The following KCNH5 variants were observed in gnomAD, a reference collection of about 807,000 sequenced individuals.
KCNH5 encodes the protein potassium voltage-gated channel subfamily H member 5.
KCNH5 carries 46 observed loss-of-function variants against 96.1 expected under a neutral mutation model. The observed-to-expected ratio is 0.48, with a 90% CI of 0.38 to 0.61. The LOEUF is 0.61. KCNH5 is among the 20% of genes least tolerant of loss of function. KCNH5 has a pLI of 0.00. For missense variants in KCNH5, 907 were observed against 1,225.8 expected, an observed-to-expected ratio of 0.74 and a Z score of 3.88; for synonymous variants, 439 against 449.8, an observed-to-expected ratio of 0.98 and a Z score of 0.30.
chr14:62,780,096 G>A (rs1886178733), intron 9 of KCNH5, among the ~76,000 whole-genome samples, 172 bp from the exon 10 acceptor site: 1 of 152,198 alleles, frequency 6.6e-6, no homozygotes, highest in South Asian at 2.1e-4. Flanking sequence ...AATATGTAAA[G>A]TAACATCACC....
intron 7 of KCNH5, among the ~76,000 whole-genome samples, chr14:62,893,977 G>A (rs970674176): frequency 3.9e-5 from 6 of 152,240 alleles, no homozygotes; most frequent in Admixed American, 1.3e-4. Flanking sequence ...AGCTATCTAC[G>A]TATGTTGAGG....
intron 10 of KCNH5, among the ~76,000 whole-genome samples, chr14:62,761,796 G>T (rs1885756632): frequency 6.6e-6 from 1 of 152,138 alleles, no homozygotes; most frequent in African/African-American, 2.4e-5. Flanking sequence ...GCCAAGAAAA[G>T]CATCTCTCAC....
intron 1 of KCNH5, among the ~76,000 whole-genome samples, chr14:63,020,570 T>C (rs1195633047): frequency 6.6e-6 from 1 of 152,090 alleles, no homozygotes; most frequent in Non-Finnish European, 1.5e-5. Context: ...TTCATTAATA[T>C]GAAGCTTAAA....
intron 8 of KCNH5, among the ~76,000 whole-genome samples, chr14:62,843,358 T>C (rs1157536816): frequency 6.6e-6 from 1 of 151,900 alleles, no homozygotes; most frequent in Non-Finnish European, 1.5e-5. Context: ...TAGTGCATCT[T>C]AAGACCAATT....
intron 1 of KCNH5, among the ~76,000 whole-genome samples, chr14:63,039,694 A>G (rs2139632723): frequency 6.6e-6 from 1 of 152,302 alleles, no homozygotes; most frequent in East Asian, 1.9e-4. Context: ...CTTTACAGAA[A>G]CAATTTTTAT....
At chr14:62,955,969 A>G (rs1399018870) in intron 6 of KCNH5, among the ~76,000 whole-genome samples, 1 of 152,164 alleles carries the variant, frequency 6.6e-6, no homozygotes, top group Non-Finnish European at 1.5e-5. Flanking sequence ...TGCATTTCCC[A>G]CAACAACCAA....
chr14:62,751,356 C>T (rs1478191375), intron 10 of KCNH5, among the ~76,000 whole-genome samples: 1 of 152,150 alleles, frequency 6.6e-6, no homozygotes, highest in Non-Finnish European at 1.5e-5. Flanking sequence ...AGAATAAGCA[C>T]TCCAGAAGGA....
At chr14:62,983,134 C>G (rs1391000757) in intron 5 of KCNH5, among the ~76,000 whole-genome samples, 1 of 152,114 alleles carries the variant, frequency 6.6e-6, no homozygotes, top group African/African-American at 2.4e-5. Context: ...AACTCAGTAC[C>G]AGGGTGCATT....
At chr14:62,832,402 C>T (rs1230845511) in intron 8 of KCNH5, among the ~76,000 whole-genome samples, 3 of 152,074 alleles carry the variant, frequency 2.0e-5, no homozygotes, top group Non-Finnish European at 4.4e-5. Context: ...AGCATAATGT[C>T]CTCAAGGTTT....
intron 7 of KCNH5, among the ~76,000 whole-genome samples, chr14:62,869,333 C>T (rs1306202010): frequency 6.6e-6 from 1 of 150,788 alleles, no homozygotes; most frequent in Non-Finnish European, 1.5e-5. Flanking sequence ...TAAATGTCTT[C>T]TTTTGAGAAG....
chr14:62,816,746 A>T (rs1198003486), intron 8 of KCNH5, among the ~76,000 whole-genome samples: 1 of 152,038 alleles, frequency 6.6e-6, no homozygotes, highest in East Asian at 1.9e-4. Flanking sequence ...CATATAGTAG[A>T]TATAGCAAAT....
At chr14:62,978,770 A>C (rs1890550509) in intron 6 of KCNH5, among the ~76,000 whole-genome samples, 1 of 152,220 alleles carries the variant, frequency 6.6e-6, no homozygotes, top group Admixed American at 6.5e-5. Flanking sequence ...TAATCAAGCC[A>C]ATCTTTTGAT....
intron 8 of KCNH5, among the ~76,000 whole-genome samples, chr14:62,808,202 A>G (rs1886807192): frequency 6.6e-6 from 1 of 152,174 alleles, no homozygotes; most frequent in East Asian, 1.9e-4. Flanking sequence ...TTGGTAAAAG[A>G]TTCTAAGAAG....
intron 7 of KCNH5, among the ~76,000 whole-genome samples, chr14:62,904,817 C>T (rs980007917): frequency 6.6e-6 from 1 of 152,176 alleles, no homozygotes; most frequent in African/African-American, 2.4e-5. Flanking sequence ...AATGCATATC[C>T]TGCATCTGAA....
intron 7 of KCNH5, among the ~76,000 whole-genome samples, chr14:62,880,505 C>T (rs1888471332): frequency 6.6e-6 from 1 of 152,174 alleles, no homozygotes; most frequent in Non-Finnish European, 1.5e-5. Context: ...TGTCATTGAG[C>T]ACACTGGATA....
At chr14:62,873,538 T>C (rs923736694) in intron 7 of KCNH5, among the ~76,000 whole-genome samples, 4 of 152,224 alleles carry the variant, frequency 2.6e-5, no homozygotes, top group Non-Finnish European at 4.4e-5. Flanking sequence ...TCCTACTGGC[T>C]AGATCACAGA....
At chr14:62,966,970 G>A (rs1369670995) in intron 6 of KCNH5, among the ~76,000 whole-genome samples, 1 of 152,108 alleles carries the variant, frequency 6.6e-6, no homozygotes, top group African/African-American at 2.4e-5. Context: ...TTTTACCGTG[G>A]TAAGCAATAA....
chr14:62,783,683 T>C (rs1398249283), intron 9 of KCNH5, among the ~76,000 whole-genome samples: 3 of 152,162 alleles, frequency 2.0e-5, no homozygotes, highest in Non-Finnish European at 4.4e-5. Context: ...GTGTTATTAA[T>C]GATAACCCTA....
chr14:62,938,076 A>G (rs4146434), intron 7 of KCNH5, among the ~76,000 whole-genome samples: 1 of 152,120 alleles, frequency 6.6e-6, no homozygotes, highest in Non-Finnish European at 1.5e-5. Context: ...AAATAGGGGC[A>G]TGAATTTAAA....
Sources: allele counts gnomAD v4.1 joint callset (sites outside exome capture counted in the v4.1 genomes callset), GRCh38; gene constraint gnomAD v4.1.1; transcripts MANE v1.5; gene names NCBI Gene and HGNC (gene_info 2026-07-23, HGNC 2026-07-21).